The following TTC6 variants were observed in gnomAD, a reference collection of about 807,000 sequenced individuals.
TTC6 encodes the protein tetratricopeptide repeat domain 6, also known as tetratricopeptide repeat protein 6.
A neutral mutation model predicts 210.4 loss-of-function variants in TTC6; 172 were observed. That is an observed-to-expected ratio of 0.82 (90% CI 0.72 to 0.93). The LOEUF is 0.93. Ranked by LOEUF, TTC6 falls within the 40% of genes least tolerant of loss-of-function variation. The pLI is 0.00. For synonymous variants in TTC6, 804 were observed against 819.6 expected, an observed-to-expected ratio of 0.98 and a Z score of 0.32; for missense variants, 2,414 against 2,318.1, an observed-to-expected ratio of 1.04 and a Z score of -0.85.
rs2096142861 is a variant in TTC6 at position 37,816,731 on chromosome 14, TATA to T, written c.4690-843_4690-841del. On this transcript the variant is annotated intron_variant, in intron 25 of 30. Coordinates refer to ENST00000553443, the Ensembl canonical transcript of TTC6. ...TGTAAATATCATGCAGTTGACATGA[TATA>T]ATATTTTGTTTTGCCGTTATATATT... Among the ~76,000 whole-genome samples, 5 of 152,200 alleles carry T rather than the reference TATA, an allele frequency of 3.3e-5. No homozygotes were observed. The South Asian group carries it at 8.3e-4, about 25-fold the overall frequency.
At chr14:37,621,806 A>G (rs1366537022), upstream of TTC6, among the ~76,000 whole-genome samples, 2 of 152,162 alleles carry the variant, frequency 1.3e-5, no homozygotes, top group South Asian at 2.1e-4. Flanking sequence ...AAGAAATCCA[A>G]TAGGGGTTTG....
At chr14:37,698,650 A>G (rs568861780) in intron 4 of TTC6, among the ~76,000 whole-genome samples, 5 of 152,228 alleles carry the variant, frequency 3.3e-5, no homozygotes, top group African/African-American at 1.2e-4. Flanking sequence ...TCACATGAAC[A>G]CATTTCATAT....
intron 5 of TTC6, among the ~76,000 whole-genome samples, chr14:37,710,374 A>G (rs1653825519): frequency 6.6e-6 from 1 of 152,132 alleles, no homozygotes; most frequent in South Asian, 2.1e-4. Flanking sequence ...GAGTACTCAC[A>G]GCTTAGAACA....
At chr14:37,769,712 G>C (rs1467640507) in intron 14 of TTC6, among the ~76,000 whole-genome samples, 2 of 149,292 alleles carry the variant, frequency 1.3e-5, no homozygotes, top group Non-Finnish European at 3.0e-5. Context: ...TATTAGTCTT[G>C]CTAGTAGTCT....
At chr14:37,596,838 A>T (rs946257024) in intron 1 of TTC6, among the ~76,000 whole-genome samples, 1 of 152,230 alleles carries the variant, frequency 6.6e-6, no homozygotes, top group Non-Finnish European at 1.5e-5. Flanking sequence ...TTCCAAACAG[A>T]TACCTTTTTC....
chr14:37,820,764 C>T (rs1252745672), intron 26 of TTC6, among the ~76,000 whole-genome samples: 1 of 152,142 alleles, frequency 6.6e-6, no homozygotes, highest in Non-Finnish European at 1.5e-5. Context: ...CAAAACCTGT[C>T]AACTAAATGC....
chr14:37,708,206 A>G (rs754655136), intron 5 of TTC6, among the ~76,000 whole-genome samples: 2 of 152,012 alleles, frequency 1.3e-5, no homozygotes, highest in African/African-American at 2.4e-5. Context: ...AGACACATAT[A>G]TGAGTAATTA....
intron 1 of TTC6, among the ~76,000 whole-genome samples, chr14:37,650,787 T>A (rs1301362262): frequency 6.6e-6 from 1 of 152,236 alleles, no homozygotes; most frequent in African/African-American, 2.4e-5. Flanking sequence ...ATTCTTAGCA[T>A]GGCGCTATTA....
intron 1 of TTC6, among the ~76,000 whole-genome samples, chr14:37,636,885 A>G (rs568499437): frequency 6.6e-6 from 1 of 152,324 alleles, no homozygotes; most frequent in South Asian, 2.1e-4. Context: ...AGTGGGAGGT[A>G]TCAGTGTACT....
exon 10 of TTC6, chr14:37,738,936 A>G: frequency 6.5e-7 from 1 of 1,535,548 alleles, no homozygotes; most frequent in South Asian, 1.2e-5. Flanking sequence ...GAGGAGCCCA[A>G]CTATGTGAAA....
At chr14:37,753,004 C>T (rs188527819) in intron 13 of TTC6, 95 bp from the exon 16 acceptor site, 148 of 979,276 alleles carry the variant, frequency 1.5e-4, no homozygotes, top group African/African-American at 1.3e-3. Context: ...TTTATTAACC[C>T]GAAGTTAAAA....
chr14:37,842,070 G>T, intron 30 of TTC6, 85 bp from the exon 33 acceptor site: 1 of 1,270,318 alleles, frequency 7.9e-7, no homozygotes, highest in Non-Finnish European at 1.0e-6. Flanking sequence ...TTTTTTAAAA[G>T]TTCTTATCCA....
chr14:37,767,849 G>T (rs1437521980), intron 14 of TTC6, among the ~76,000 whole-genome samples: 2 of 146,920 alleles, frequency 1.4e-5, no homozygotes, highest in Non-Finnish European at 3.0e-5. Flanking sequence ...CATTGCTTCT[G>T]GTGTTTTAGA....
chr14:37,737,822 T>C, intron 9 of TTC6, 88 bp downstream of exon 11: 2 of 651,954 alleles, frequency 3.1e-6, no homozygotes, highest in South Asian at 4.7e-5. Context: ...TAAAAGCATC[T>C]ACTTCTATAT....
At chr14:37,818,171 G>A (rs796629505) in intron 26 of TTC6, among the ~76,000 whole-genome samples, 8 of 151,900 alleles carry the variant, frequency 5.3e-5, no homozygotes, top group African/African-American at 1.2e-4. Flanking sequence ...AACACAATAC[G>A]TAAAGCAAAA....
chr14:37,714,477 A>G (rs2095849357), intron 5 of TTC6, among the ~76,000 whole-genome samples, 178 bp from the exon 8 acceptor site: 1 of 152,306 alleles, frequency 6.6e-6, no homozygotes, highest in East Asian at 1.9e-4. Context: ...TAAGAACCAG[A>G]TATTAGCATT....
chr14:37,755,829 T>C (rs2095965904), intron 14 of TTC6, among the ~76,000 whole-genome samples: 1 of 152,176 alleles, frequency 6.6e-6, no homozygotes, highest in Admixed American at 6.6e-5. Context: ...TTGTCTTGGC[T>C]ATATGGGGTA....
At chr14:37,841,343 G>C (rs2139062194) in intron 29 of TTC6, 102 bp from the exon 32 acceptor site, 1 of 947,402 alleles carries the variant, frequency 1.1e-6, no homozygotes, top group Non-Finnish European at 1.6e-6. Context: ...TTGACCTCTT[G>C]GTATGCCACT....
rs143069467 is a variant in TTC6 at position 37,649,444 on chromosome 14, G to A, written c.939+26441G>A. ...CCCACAACATTTATGTTTTCTTCAC[G>A]TCCCTGCCAACTTCCTCTGGGCCAG... On this transcript the variant is annotated intron_variant, in intron 1 of 30. Transcript: ENST00000553443. 3.8e-3 allele frequency among the ~76,000 whole-genome samples: 584 copies of A among 152,212 alleles called. 5 individuals carry two copies. The highest frequency in any genetic ancestry group is 0.014 in the African/African-American group (561 of 41,540).
Sources: allele counts gnomAD v4.1 joint callset (sites outside exome capture counted in the v4.1 genomes callset), GRCh38; gene constraint gnomAD v4.1.1; transcripts MANE v1.5; gene names NCBI Gene and HGNC (gene_info 2026-07-23, HGNC 2026-07-21).